ZNF48: variants seen among roughly 807,000 people sequenced by gnomAD.
ZNF48 encodes the protein zinc finger protein 553.
In ZNF48, 20 loss-of-function variants were observed where a neutral mutation model predicts 40.0. That is an observed-to-expected ratio of 0.50 (90% CI 0.35 to 0.73). ZNF48 has a LOEUF of 0.73. ZNF48 is among the 30% of genes least tolerant of loss of function. The pLI is 0.01. For missense variants in ZNF48, 726 were observed against 851.9 expected (o/e 0.85, Z 1.84); for synonymous variants, 298 against 329.7 (o/e 0.90, Z 1.04).
upstream of ZNF48, chr16:30,395,354 C>G (rs1171389449): frequency 6.6e-6 from 3 of 452,060 alleles, no homozygotes; most frequent in South Asian, 3.1e-5. The surrounding 1 kb of genome is among the most constrained non-coding windows in gnomAD (Gnocchi z 5.9). Flanking sequence ...GGGCGACCCC[C>G]ACAGGCCCGC....
Position 30,397,941 on chromosome 16 carries a change from G to A in ZNF48, c.691G>A (p.Asp231Asn). 3 of 1,612,928 alleles carry A rather than the reference G, an allele frequency of 1.9e-6. No individual in the cohort carries two copies. Among genetic ancestry groups the A allele is most frequent in the Non-Finnish European group, 2.5e-6 (3 of 1,179,152 alleles). Reference sequence around the variant, plus strand: ...TGGCATATGTGGCAAGGGCTTTGGCGACAGTTCCGCCCGCATCAAGCACCA... The same window carrying A: ...TGGCATATGTGGCAAGGGCTTTGGCAACAGTTCCGCCCGCATCAAGCACCA... ...KCGICGKGFGDSSARIKHQRT... is the reference protein window; with the variant it reads ...KCGICGKGFGNSSARIKHQRT... Residue 231 changes from aspartate to asparagine, a missense_variant, in exon 3 of 3, where the codon GAC becomes AAC. Transcript: ENST00000613509. This position sits in a 1 kb window ranked among gnomAD's most constrained non-coding sequence, Gnocchi z 4.1.
chr16:30,396,014 C>G (rs1054146733), intron 2 of ZNF48, 141 bp downstream of exon 2: 2 of 889,340 alleles, frequency 2.2e-6, no homozygotes, highest in Non-Finnish European at 3.1e-6. Flanking sequence ...GCTTTCGGAG[C>G]ACCAACTGTG....
At chr16:30,387,580 G>T (rs1485050996) in intron 1 of ZNF48, among the ~76,000 whole-genome samples, 1 of 147,438 alleles carries the variant, frequency 6.8e-6, no homozygotes. Flanking sequence ...ACCAAAAAAA[G>T]ACAGAGTTTT....
chr16:30,379,115 GGTCCTGCAGGTGT>G, intron 1 of ZNF48: 1 of 1,614,140 alleles, frequency 6.2e-7, no homozygotes. Context: ...ACCTCTTTCA[GGTCCTGCAGGTGT>G]GTCTGCACCA....
intron 1 of ZNF48, chr16:30,379,048 C>G (rs199791904): frequency 6.2e-7 from 1 of 1,613,606 alleles, no homozygotes; most frequent in Non-Finnish European, 8.5e-7. Context: ...AGCCCCAGGC[C>G]GGGCCAGGCT....
rs2049990047 is a variant in ZNF48, at chr16:30,396,955, G to C, written c.80-375G>C. On this transcript the variant is annotated intron_variant, in intron 2 of 2. Coordinates refer to ENST00000613509, the MANE Select transcript of ZNF48 (RefSeq NM_001214909.2). ...GATCCACCCACCTCGGCCTCCCAAA[G>C]TGCTAGGATTACAGGTGTGAGCCAC... Among the ~76,000 whole-genome samples the C allele has an allele frequency of 2.6e-5, 4 of 152,000 alleles. No individual in the cohort carries two copies. In the South Asian group the frequency reaches 8.3e-4, roughly 31 times the overall value.
intron 1 of ZNF48, chr16:30,380,100 A>C: frequency 7.7e-7 from 1 of 1,299,784 alleles, no homozygotes; most frequent in Admixed American, 2.1e-5. Flanking sequence ...ATGACCAGAG[A>C]CAGTGAGACA....
chr16:30,387,351 T>G (rs966807961), intron 1 of ZNF48, among the ~76,000 whole-genome samples: 2 of 147,182 alleles, frequency 1.4e-5, no homozygotes, highest in African/African-American at 4.9e-5. Context: ...TGTCGGGAGT[T>G]CAAGGCCAGC....
In ZNF48 at chr16:30,395,429, C is replaced by G; in HGVS notation, c.-165C>G. 1 of 356,540 alleles carries G rather than the reference C, an allele frequency of 2.8e-6. No individual in the cohort carries two copies. The highest frequency in any genetic ancestry group is 5.5e-6 in the Non-Finnish European group (1 of 181,662). 22.1% of individuals were successfully genotyped at this position (356,540 alleles called of 1,614,324 possible). A position where few individuals can be genotyped will look rare whatever the true frequency, so the allele number is the denominator to read the frequency against. On this transcript the variant is annotated 5_prime_UTR_variant, in exon 1 of 3. Coordinates refer to ENST00000613509, the MANE Select transcript of ZNF48 (RefSeq NM_001214909.2). This position sits in a 1 kb window ranked among gnomAD's most constrained non-coding sequence, Gnocchi z 5.9. ...CGCTTCCGCTTCCCGTCCCCGCCCC[C>G]GGTGGCCGCCCCCGGGACGCCTGGG...
In ZNF48 at chr16:30,398,636, A is replaced by T; in HGVS notation, c.1386A>T (p.Arg462=). Residue 462 remains arginine, a synonymous_variant, in exon 3 of 3, where the codon CGA becomes CGT. Transcript: ENST00000613509. The surrounding 1 kb of genome is among the most constrained non-coding windows in gnomAD (Gnocchi z 6.6). ...CTGAGTGTGGCAAGGGCTTCCGCCG[A>T]AGCTCTGACCTGGTGAAACACCATC... ...KCPECGKGFR[R]SSDLVKHHRV... 1 of 1,607,908 alleles carries T rather than the reference A, an allele frequency of 6.2e-7. No homozygotes were observed. The highest frequency in any genetic ancestry group is 1.1e-5 in the South Asian group (1 of 90,164).
At chr16:30,391,189 G>A (rs2049939968), upstream of ZNF48, among the ~76,000 whole-genome samples, 1 of 151,956 alleles carries the variant, frequency 6.6e-6, no homozygotes, top group South Asian at 2.1e-4. Context: ...GCACACATTA[G>A]GTTTTCTTTT....
chr16:30,387,200 C>T (rs931013344), intron 1 of ZNF48, among the ~76,000 whole-genome samples: 8 of 149,242 alleles, frequency 5.4e-5, no homozygotes, highest in African/African-American at 1.9e-4. Flanking sequence ...GCCTTGGCCT[C>T]CCAAAGTGCT....
chr16:30,379,300 G>A, intron 1 of ZNF48: 2 of 1,461,492 alleles, frequency 1.4e-6, no homozygotes, highest in Non-Finnish European at 1.9e-6. Flanking sequence ...TCCGCGGTCT[G>A]CAGCCCAGCG....
In ZNF48 at chr16:30,382,931, TG is replaced by T; in HGVS notation, c.-16+4524del. 1 of 749,732 alleles carries T rather than the reference TG, an allele frequency of 1.3e-6. No homozygotes were observed. The highest frequency in any genetic ancestry group is 1.6e-5 in the South Asian group (1 of 63,648). 46.4% of individuals were successfully genotyped at this position (749,732 alleles called of 1,614,324 possible). On this transcript the variant is annotated intron_variant, in intron 1 of 2. Transcript: ENST00000528032. This position sits in a 1 kb window ranked among gnomAD's most constrained non-coding sequence, Gnocchi z 4.8. ...GCTCTCGCCTGTAATCTCAGCACTT[TG>T]GGAGGCGGAGGAGGGAGGACAGCTT...
Position 30,381,904 on chromosome 16 carries a change from C to T in ZNF48, c.-16+3494C>T. 4 of 1,613,722 alleles carry T rather than the reference C, an allele frequency of 2.5e-6. No individual in the cohort carries two copies. In the Admixed American group the frequency reaches 6.7e-5, roughly 27 times the overall value. ...GCGAGCTGTGGGATGGGGGAGAGGT[C>T]AGGGATCCGGGGAGGCTCTGAGGCA... On this transcript the variant is annotated intron_variant, in intron 1 of 2. Transcript: ENST00000528032. The surrounding 1 kb of genome is among the most constrained non-coding windows in gnomAD (Gnocchi z 4.3).
chr16:30,399,154 C>G lies in ZNF48; in HGVS notation c.*47C>G, dbSNP rs1377168326. The G allele has an allele frequency of 6.7e-6, 10 of 1,501,294 alleles. No homozygotes were observed. In the Admixed American group the frequency reaches 2.1e-4, roughly 32 times the overall value. 93.0% of individuals were successfully genotyped at this position (1,501,294 alleles called of 1,614,324 possible). A position where few individuals can be genotyped will look rare whatever the true frequency, so the allele number is the denominator to read the frequency against. ...GCCCAGGAGACCAAAGGGAGGGGCT[C>G]TGCCGCTTAGCAGAGAAGAAAGGGC... On this transcript the variant is annotated 3_prime_UTR_variant, in exon 3 of 3. Transcript: ENST00000613509.
chr16:30,398,798 G>A lies in ZNF48; in HGVS notation c.1548G>A (p.Arg516=). Residue 516 remains arginine (R), a synonymous_variant, in exon 3 of 3, where the codon CGG becomes CGA. Coordinates refer to ENST00000613509, the MANE Select transcript of ZNF48 (RefSeq NM_001214909.2). The surrounding 1 kb of genome is among the most constrained non-coding windows in gnomAD (Gnocchi z 6.6). ...CACCACCACCATCCACTCTGCTGCG[G>A]CCACATAACCCACCTGGCCCAGTAC... is the stretch of plus-strand genomic sequence containing the variant. ...ARPPPPSTLL[R]PHNPPGPVPM... is the part of the protein sequence containing the mutation. 1 of 1,613,714 alleles carries A rather than the reference G, an allele frequency of 6.2e-7. No individual in the cohort carries two copies. The highest frequency in any genetic ancestry group is 8.5e-7 in the Non-Finnish European group (1 of 1,180,032).
Position 30,381,077 on chromosome 16 carries a change from A to G in ZNF48, c.-16+2667A>G. 7.1e-7 allele frequency: 1 copy of G among 1,399,158 alleles called. No individual in the cohort carries two copies. Among genetic ancestry groups the G allele is most frequent in the South Asian group, 1.2e-5 (1 of 86,780 alleles). The allele number at this position is 1,399,158 out of a possible 1,614,324, so 86.7% of individuals were successfully genotyped here. A position where few individuals can be genotyped will look rare whatever the true frequency, so the allele number is the denominator to read the frequency against. On this transcript the variant is annotated intron_variant, in intron 1 of 2. Transcript: ENST00000528032. The surrounding 1 kb of genome is among the most constrained non-coding windows in gnomAD (Gnocchi z 4.3). The stretch of plus-strand genomic sequence containing the variant: ...CAAGATCAAAGAAGTCTAAGCTGAA[A>G]TCAGGTTTGGCTTCACATGGGGTCA...
chr16:30,380,243 C>G, intron 1 of ZNF48: 1 of 365,868 alleles, frequency 2.7e-6, no homozygotes, highest in East Asian at 5.2e-5. Flanking sequence ...TAAGATGGGG[C>G]AGACATTAAG....
Sources: gnomAD v4.1 joint callset for allele counts (sites outside exome capture counted in the v4.1 genomes callset) on GRCh38, gnomAD v4.1.1 for gene constraint, Gnocchi (gnomAD v3.1) non-coding constraint, MANE v1.5 for transcripts, NCBI Gene and HGNC (gene_info 2026-07-23, HGNC 2026-07-21) for gene names.